The following GRID1 variants were observed in gnomAD, a reference collection of about 807,000 sequenced individuals.
GRID1 encodes the protein glutamate receptor ionotropic, delta-1.
GRID1 carries 28 observed loss-of-function variants against 98.0 expected under a neutral mutation model. The ratio of observed to expected loss-of-function variants is 0.29; its 90% CI spans 0.21 to 0.39. The LOEUF is 0.39. Among genes scored for constraint, GRID1 ranks in the 10% least tolerant of loss-of-function variants. The pLI is 1.00. For synonymous variants in GRID1, 553 were observed against 538.5 expected (o/e 1.03, Z -0.37); for missense variants, 1,111 against 1,340.5 (o/e 0.83, Z 2.67).
chr10:86,201,854 C>T (rs1287602777), intron 3 of GRID1, among the ~76,000 whole-genome samples: 14 of 151,958 alleles, frequency 9.2e-5, no homozygotes, highest in South Asian at 2.1e-4. Flanking sequence ...TCAAGGAAAG[C>T]GAGGGTCTTG....
chr10:85,740,783 G>A (rs898565244), intron 8 of GRID1, among the ~76,000 whole-genome samples: 3 of 149,654 alleles, frequency 2.0e-5, no homozygotes, highest in East Asian at 2.0e-4. Flanking sequence ...ATGGAGTCTC[G>A]CTCTGTCACC....
chr10:85,863,557 G>A (rs1843186151), intron 6 of GRID1, among the ~76,000 whole-genome samples: 1 of 152,226 alleles, frequency 6.6e-6, no homozygotes, highest in Admixed American at 6.5e-5. Context: ...CACATTGGAA[G>A]CCCAGGTGTT....
chr10:85,599,911 T>TCA lies in GRID1; in HGVS notation c.*2361_*2362insTG, dbSNP rs1335125774. ...AGATGCTGGTCTCTCTCTCTCTCTCTCTCTCTCTCACACACACACACACAC... is the reference window on the plus strand; with the variant it reads ...AGATGCTGGTCTCTCTCTCTCTCTCTCACTCTCTCTCACACACACACACACAC... On this transcript the variant is annotated 3_prime_UTR_variant, in exon 16 of 16. Coordinates refer to ENST00000327946, the MANE Select transcript of GRID1 (RefSeq NM_017551.3). 6 of 94,600 alleles carry TCA rather than the reference T, an allele frequency of 6.3e-5. No individual in the cohort carries two copies. Among genetic ancestry groups the TCA allele is most frequent in the African/African-American group, 3.8e-4 (6 of 15,860 alleles). 5.9% of individuals were successfully genotyped at this position (94,600 alleles called of 1,614,324 possible).
intron 5 of GRID1, among the ~76,000 whole-genome samples, chr10:85,901,739 C>A (rs1206061192): frequency 1.3e-5 from 2 of 152,136 alleles, no homozygotes; most frequent in Admixed American, 6.5e-5. Flanking sequence ...AGACTGTGAT[C>A]TAAAGCACAA....
At chr10:85,959,049 G>A (rs1358499935) in intron 4 of GRID1, among the ~76,000 whole-genome samples, 1 of 152,130 alleles carries the variant, frequency 6.6e-6, no homozygotes, top group African/African-American at 2.4e-5. Context: ...TTGAGCTGGG[G>A]CATTGGTATT....
At chr10:85,705,955 C>T (rs529791523) in intron 12 of GRID1, among the ~76,000 whole-genome samples, 171 of 152,258 alleles carry the variant, frequency 1.1e-3, no homozygotes, top group Middle Eastern at 3.4e-3. Flanking sequence ...ATTGATGGGA[C>T]GTATCTCAAA....
At chr10:86,046,091 C>G (rs1488167759) in intron 4 of GRID1, among the ~76,000 whole-genome samples, 1 of 152,144 alleles carries the variant, frequency 6.6e-6, no homozygotes, top group Non-Finnish European at 1.5e-5. Context: ...AAGACACACC[C>G]ACCGTTGTGC....
intron 13 of GRID1, among the ~76,000 whole-genome samples, chr10:85,640,897 T>C (rs1381868969): frequency 6.6e-6 from 1 of 152,228 alleles, no homozygotes; most frequent in African/African-American, 2.4e-5. Context: ...TGACTTCAGC[T>C]ATATTTACTG....
chr10:85,612,366 AT>A (rs1842743432), intron 15 of GRID1, among the ~76,000 whole-genome samples: 1 of 152,028 alleles, frequency 6.6e-6, no homozygotes, highest in Non-Finnish European at 1.5e-5. Context: ...GTCCCAGTTT[AT>A]TTTTTGTGCC....
chr10:85,649,477 G>A (rs1843237993), intron 12 of GRID1, among the ~76,000 whole-genome samples: 1 of 151,940 alleles, frequency 6.6e-6, no homozygotes, highest in African/African-American at 2.4e-5. Context: ...TGTAATGAAA[G>A]GAGGGGGATC....
chr10:85,707,001 T>TAAA (rs1045640071), intron 12 of GRID1, among the ~76,000 whole-genome samples: 71 of 152,260 alleles, frequency 4.7e-4, no homozygotes, highest in African/African-American at 1.6e-3. Context: ...CCTAAAACCA[T>TAAA]AAAAACCCTA....
chr10:85,952,415 T>C (rs1486487583), intron 4 of GRID1, among the ~76,000 whole-genome samples: 1 of 152,262 alleles, frequency 6.6e-6, no homozygotes, highest in African/African-American at 2.4e-5. Context: ...TGCCATGTTT[T>C]AGAAATTATT....
At chr10:85,971,530 G>A (rs1283365351) in intron 4 of GRID1, among the ~76,000 whole-genome samples, 2 of 152,062 alleles carry the variant, frequency 1.3e-5, no homozygotes, top group Non-Finnish European at 2.9e-5. Context: ...AGTAAAGTGG[G>A]AGAAAGTTCT....
chr10:86,203,664 C>A (rs1845985851), intron 3 of GRID1, among the ~76,000 whole-genome samples: 1 of 151,812 alleles, frequency 6.6e-6, no homozygotes, highest in Admixed American at 6.6e-5. Context: ...CTCTGGCCTC[C>A]AGCAAGCCGA....
intron 12 of GRID1, among the ~76,000 whole-genome samples, chr10:85,677,645 T>C (rs1260326391): frequency 1.3e-5 from 2 of 152,176 alleles, no homozygotes; most frequent in Admixed American, 6.5e-5. Context: ...CCCACCAAGG[T>C]TGTACTCTCA....
intron 12 of GRID1, among the ~76,000 whole-genome samples, chr10:85,656,050 G>T (rs192052585): frequency 6.6e-6 from 1 of 150,722 alleles, no homozygotes; most frequent in Admixed American, 6.6e-5. Flanking sequence ...CTCTTCTTCC[G>T]GAGAGTTATC....
intron 2 of GRID1, among the ~76,000 whole-genome samples, chr10:86,337,178 C>G (rs964561652): frequency 4.6e-5 from 7 of 152,144 alleles, no homozygotes; most frequent in Non-Finnish European, 7.4e-5. Flanking sequence ...ATCTGACCGA[C>G]TCATCGAACA....
chr10:86,110,448 T>A (rs534938088), intron 4 of GRID1, among the ~76,000 whole-genome samples: 1 of 152,274 alleles, frequency 6.6e-6, no homozygotes, highest in East Asian at 1.9e-4. Context: ...ACAGGCCTCT[T>A]TGAACACCTC....
intron 2 of GRID1, among the ~76,000 whole-genome samples, chr10:86,329,457 A>T (rs1321599466): frequency 6.6e-6 from 1 of 152,200 alleles, no homozygotes; most frequent in Non-Finnish European, 1.5e-5. Context: ...GGGCCCGCTG[A>T]TGTCCATGGA....
Sources: allele counts gnomAD v4.1 joint callset (sites outside exome capture counted in the v4.1 genomes callset), GRCh38; gene constraint gnomAD v4.1.1; transcripts MANE v1.5; gene names NCBI Gene and HGNC (gene_info 2026-07-23, HGNC 2026-07-21).